The following SSPN variants were observed in gnomAD, a reference collection of about 807,000 sequenced individuals.
SSPN encodes K-ras oncogene-associated protein.
Under a neutral mutation model 19.1 loss-of-function variants are expected in SSPN, and 15 were observed. The observed-to-expected ratio is 0.78, with a 90% confidence interval of 0.52 to 1.21. SSPN has a LOEUF of 1.21. Ranked by LOEUF, SSPN falls within the 50% of genes most tolerant of loss-of-function variation. The pLI, the probability that SSPN is intolerant of heterozygous loss-of-function variation, is 0.00. For synonymous variants in SSPN, 147 were observed against 140.3 expected (o/e 1.05, Z -0.34); for missense variants, 291 against 314.0 (o/e 0.93, Z 0.55).
At chr12:26,219,090 AAGG>A (rs1277102630) in intron 1 of SSPN, among the ~76,000 whole-genome samples, 2 of 152,204 alleles carry the variant, frequency 1.3e-5, no homozygotes, top group African/African-American at 4.8e-5. Flanking sequence ...GGGGGTAAGG[AAGG>A]AGAAGAAAAA....
intron 1 of SSPN, among the ~76,000 whole-genome samples, chr12:26,170,341 A>C (rs1944646947): frequency 6.6e-6 from 1 of 152,242 alleles, no homozygotes; most frequent in Non-Finnish European, 1.5e-5. Context: ...ATCTAGAATA[A>C]AGCGGAACTA....
At position 26,199,386 on chromosome 12, in the gene SSPN, A is replaced by G. The variant is rs553004101; in HGVS notation, c.279+3435A>G. Among the ~76,000 whole-genome samples, 4 of 150,816 alleles carry G rather than the reference A, an allele frequency of 2.7e-5. No homozygotes were observed. In the East Asian group the frequency reaches 5.8e-4, roughly 22 times the overall value. On this transcript the variant is annotated intron_variant, in intron 1 of 2. Coordinates refer to ENST00000242729, the MANE Select transcript of SSPN (RefSeq NM_005086.5). ...TTACAAAAGATTCCTGTAAGGGGGG[A>G]AAAAAACCCAGAATGGAGTCACTGT...
intron 1 of SSPN, among the ~76,000 whole-genome samples, chr12:26,126,772 C>A (rs1944368903): frequency 6.6e-6 from 1 of 152,238 alleles, no homozygotes; most frequent in South Asian, 2.1e-4. Flanking sequence ...CGCTCGCGGT[C>A]CGTTCAGTTC....
At chr12:26,182,275 A>T (rs952290985) in intron 1 of SSPN, among the ~76,000 whole-genome samples, 2 of 152,202 alleles carry the variant, frequency 1.3e-5, no homozygotes, top group African/African-American at 4.8e-5. Flanking sequence ...TGGGGAGTGG[A>T]TAACAGAAGA....
intron 1 of SSPN, among the ~76,000 whole-genome samples, chr12:26,184,967 A>T (rs1944743472): frequency 6.6e-6 from 1 of 152,168 alleles, no homozygotes; most frequent in Non-Finnish European, 1.5e-5. Context: ...TTCAATAAAC[A>T]TTTCACATAT....
chr12:26,153,256 A>G (rs1359397025), intron 1 of SSPN, among the ~76,000 whole-genome samples: 1 of 152,230 alleles, frequency 6.6e-6, no homozygotes, highest in Non-Finnish European at 1.5e-5. Context: ...ACGAGTTAAT[A>G]TATGTAAAGC....
chr12:26,200,052 A>G (rs1375315347), intron 1 of SSPN, among the ~76,000 whole-genome samples: 1 of 152,196 alleles, frequency 6.6e-6, no homozygotes, highest in Non-Finnish European at 1.5e-5. Context: ...CCCAGTGAAT[A>G]TGTTTAGTAT....
chr12:26,191,675 T>C (rs1944788530), upstream of SSPN, among the ~76,000 whole-genome samples: 1 of 111,712 alleles, frequency 9.0e-6, no homozygotes, highest in South Asian at 3.4e-4. Flanking sequence ...TTTAATTTGT[T>C]CTACACACAC....
intron 1 of SSPN, among the ~76,000 whole-genome samples, chr12:26,216,344 A>G (rs1032698424): frequency 6.6e-6 from 1 of 152,040 alleles, no homozygotes; most frequent in Admixed American, 6.5e-5. Flanking sequence ...GCATTTTTTC[A>G]TGTGTTTTTT....
At chr12:26,220,247 C>CA (rs58022147) in intron 1 of SSPN, among the ~76,000 whole-genome samples, 9,036 of 114,274 alleles carry the variant, frequency 0.079, 579 homozygotes, top group African/African-American at 0.12. Context: ...AAGCTGTAGG[C>CA]AAAAAAAAAA....
At chr12:26,171,645 C>T (rs1565677582) in intron 1 of SSPN, among the ~76,000 whole-genome samples, 1 of 151,156 alleles carries the variant, frequency 6.6e-6, no homozygotes, top group Non-Finnish European at 1.5e-5. Flanking sequence ...TGTCAAAGAA[C>T]TATAGTTATT....
At chr12:26,211,812 A>G (rs544604482) in intron 1 of SSPN, 1 of 152,346 alleles carries the variant, frequency 6.6e-6, no homozygotes, top group South Asian at 2.1e-4. Flanking sequence ...CTACACAGCA[A>G]TGCAAATTAC....
Position 26,220,344 on chromosome 12 carries a change from A to G in SSPN, c.280-3949A>G, listed in dbSNP as rs114436703. ...AAATTAAAATATGTTGAATACATTTAAGCTTTATAGCAAATACCCTGTACA... is the reference window on the plus strand; with the variant it reads ...AAATTAAAATATGTTGAATACATTTGAGCTTTATAGCAAATACCCTGTACA... On this transcript the variant is annotated intron_variant, in intron 1 of 2. Transcript: ENST00000242729. Among the ~76,000 whole-genome samples, 670 of 152,026 alleles carry G rather than the reference A, an allele frequency of 4.4e-3. 1 individual carries two copies. Among genetic ancestry groups the G allele is most frequent in the African/African-American group, 0.015 (607 of 41,494 alleles).
intron 1 of SSPN, among the ~76,000 whole-genome samples, chr12:26,150,956 C>T (rs968453779): frequency 5.3e-5 from 8 of 152,144 alleles, no homozygotes; most frequent in African/African-American, 1.9e-4. Context: ...TGCTATTCAT[C>T]GGCCAGTGTG....
chr12:26,158,003 C>T (rs1416803352), intron 1 of SSPN, among the ~76,000 whole-genome samples: 1 of 149,078 alleles, frequency 6.7e-6, no homozygotes, highest in Non-Finnish European at 1.5e-5. Flanking sequence ...TTACTTTTGT[C>T]TTTTTTTTTT....
intron 1 of SSPN, among the ~76,000 whole-genome samples, chr12:26,174,735 G>T (rs1287423106): frequency 6.6e-6 from 1 of 152,108 alleles, no homozygotes; most frequent in African/African-American, 2.4e-5. Flanking sequence ...TGGCCAGGCT[G>T]GTTTCGAACT....
At chr12:26,197,745 C>T (rs1487463512) in intron 1 of SSPN, among the ~76,000 whole-genome samples, 2 of 152,222 alleles carry the variant, frequency 1.3e-5, no homozygotes, top group African/African-American at 4.8e-5. Flanking sequence ...GCATTATATA[C>T]AGCCAGGTCT....
intron 1 of SSPN, among the ~76,000 whole-genome samples, chr12:26,178,365 A>C (rs530583343): frequency 6.6e-6 from 1 of 150,822 alleles, no homozygotes; most frequent in African/African-American, 2.5e-5. Context: ...GTGTGTGTGT[A>C]TGTGTGTAAG....
At chr12:26,194,583 A>G (rs1944809733), upstream of SSPN, among the ~76,000 whole-genome samples, 2 of 152,188 alleles carry the variant, frequency 1.3e-5, no homozygotes, top group East Asian at 3.9e-4. Context: ...ACGGGGTTTC[A>G]CCATGTTGGC....
Sources: gnomAD v4.1 joint callset for allele counts (sites outside exome capture counted in the v4.1 genomes callset) on GRCh38, gnomAD v4.1.1 for gene constraint, MANE v1.5 for transcripts, NCBI Gene and HGNC (gene_info 2026-07-23, HGNC 2026-07-21) for gene names.